Variants in SLC25A16 observed in about 807,000 individuals in gnomAD.
SLC25A16 encodes solute carrier family 25 member 16.
In SLC25A16, 39 loss-of-function variants were observed where a neutral mutation model predicts 41.5. That is an observed-to-expected ratio of 0.94 (90% CI 0.73 to 1.23). The LOEUF is 1.23. SLC25A16 is among the 50% of genes most tolerant of loss of function. The pLI is 0.00. For missense variants in SLC25A16, 421 were observed against 426.9 expected (o/e 0.99, Z 0.12); for synonymous variants, 146 against 147.8 (o/e 0.99, Z 0.09).
rs137873518 is a variant in SLC25A16 at position 68,493,964 on chromosome 10, G to A, written c.422-394C>T. Among the ~76,000 whole-genome samples the A allele has an allele frequency of 3.1e-3, 467 of 152,252 alleles. 3 individuals carry two copies. The highest frequency in any genetic ancestry group is 0.011 in the African/African-American group (440 of 41,536). ...TCCATGGATTGAAGCAACCATGGAC[G>A]GAAAATGTAGTGAGGTCTACAATGG... On this transcript the variant is annotated intron_variant, in intron 4 of 8. Transcript: ENST00000609923.
At chr10:68,505,138 A>G (rs2052930163) in intron 3 of SLC25A16, among the ~76,000 whole-genome samples, 1 of 152,156 alleles carries the variant, frequency 6.6e-6, no homozygotes, top group South Asian at 2.1e-4. Flanking sequence ...ATCTCTACAA[A>G]ATATTTTTTA....
chr10:68,491,551 T>C (rs952417338), intron 6 of SLC25A16, among the ~76,000 whole-genome samples: 1 of 151,776 alleles, frequency 6.6e-6, no homozygotes, highest in Non-Finnish European at 1.5e-5. Context: ...GTTTGTTTGA[T>C]TTTTAGAGAC....
chr10:68,508,906 A>C (rs2053006424), intron 2 of SLC25A16, among the ~76,000 whole-genome samples: 1 of 152,144 alleles, frequency 6.6e-6, no homozygotes, highest in African/African-American at 2.4e-5. Context: ...AACTACACTG[A>C]CAATGTTTAT....
chr10:68,499,685 G>T lies in SLC25A16; in HGVS notation c.421+3947C>A, dbSNP rs139254204. The T allele has an allele frequency of 5.9e-4, 213 of 358,032 alleles. 1 individual carries two copies. The highest frequency in any genetic ancestry group is 4.2e-3 in the African/African-American group (198 of 46,846). 22.2% of individuals were successfully genotyped at this position (358,032 alleles called of 1,614,324 possible). ...TGTGTGATCCATGCCCATCCGAAAG[G>T]TTTTGATGAAGGTCAGGTTGTATGA... On this transcript the variant is annotated intron_variant, in intron 4 of 8. Transcript: ENST00000609923.
In SLC25A16 at chr10:68,478,978, G is replaced by C. The variant is rs2052456356; in HGVS notation, c.*4454C>G. On this transcript the variant is annotated 3_prime_UTR_variant, in exon 9 of 9. Coordinates refer to ENST00000609923, the MANE Select transcript of SLC25A16 (RefSeq NM_152707.4). Reference sequence around the variant, plus strand: ...TCACCATGTTGGCCAGGATGGTCTTGATCTCCTGACCACGTGATCCGCCCA... The same window carrying C: ...TCACCATGTTGGCCAGGATGGTCTTCATCTCCTGACCACGTGATCCGCCCA... 6.6e-6 allele frequency: 1 copy of C among 152,002 alleles called. No individual in the cohort carries two copies. Among genetic ancestry groups the C allele is most frequent in the Non-Finnish European group, 1.5e-5 (1 of 68,040 alleles). The allele number at this position is 152,002 out of a possible 1,614,324, so 9.4% of individuals were successfully genotyped here.
At chr10:68,489,044 C>T (rs963644534) in intron 6 of SLC25A16, among the ~76,000 whole-genome samples, 26 of 152,140 alleles carry the variant, frequency 1.7e-4, no homozygotes, top group African/African-American at 6.0e-4. Flanking sequence ...CTGAGGTGGG[C>T]GGATTACCTG....
At chr10:68,516,360 C>T (rs1351580484) in intron 2 of SLC25A16, among the ~76,000 whole-genome samples, 1 of 151,176 alleles carries the variant, frequency 6.6e-6, no homozygotes, top group African/African-American at 2.4e-5. Flanking sequence ...CAGAGGAGCA[C>T]AAGGGAAGGA....
At position 68,488,507 on chromosome 10, in the gene SLC25A16, G is replaced by GT; in HGVS notation, c.732dup (p.Leu245ThrfsTer18). The GT allele has an allele frequency of 6.4e-7, 1 of 1,570,820 alleles. No individual in the cohort carries two copies. Among genetic ancestry groups the GT allele is most frequent in the Non-Finnish European group, 8.6e-7 (1 of 1,167,572 alleles). On this transcript the variant is annotated frameshift_variant, in exon 7 of 9. Coordinates refer to ENST00000609923, the MANE Select transcript of SLC25A16 (RefSeq NM_152707.4). LOFTEE classifies it high-confidence loss of function. ...ATTGCTCCAGCAACACCACCACAAA[G>GT]TAAGTTTACATGAGTTTTCAAAACT... is the stretch of plus-strand genomic sequence containing the variant.
intron 2 of SLC25A16, among the ~76,000 whole-genome samples, chr10:68,513,895 G>A (rs954235828): frequency 2.3e-5 from 2 of 87,978 alleles, no homozygotes; most frequent in Admixed American, 1.2e-4. Context: ...GAAAAAAAAA[G>A]CTAACGCAAA....
Position 68,503,704 on chromosome 10 carries a change from CAAG to C in SLC25A16, c.358-12_358-10del. 1 of 1,557,110 alleles carries C rather than the reference CAAG, an allele frequency of 6.4e-7. No individual in the cohort carries two copies. The highest frequency in any genetic ancestry group is 1.1e-5 in the South Asian group (1 of 88,134). The stretch of plus-strand genomic sequence containing the variant: ...AGCTTCGTAGTAATTAACTAGAAAA[CAAG>C]AACACTGAATTAAATGAGATATTTT... On this transcript the variant is annotated splice_polypyrimidine_tract_variant and intron_variant, in intron 3 of 8. Coordinates refer to ENST00000609923, the MANE Select transcript of SLC25A16 (RefSeq NM_152707.4).
chr10:68,511,367 A>G (rs1359758617), intron 2 of SLC25A16, among the ~76,000 whole-genome samples: 1 of 152,200 alleles, frequency 6.6e-6, no homozygotes, highest in Non-Finnish European at 1.5e-5. Flanking sequence ...GCACTCCAGG[A>G]ATTCTACTCC....
At chr10:68,496,389 A>G in intron 4 of SLC25A16, 1 of 718,082 alleles carries the variant, frequency 1.4e-6, no homozygotes, top group Non-Finnish European at 1.7e-6. Context: ...AAGAAGGCCA[A>G]AAAAGCCCTC....
chr10:68,484,655 T>C (rs7477943), intron 8 of SLC25A16, among the ~76,000 whole-genome samples: 15 of 151,958 alleles, frequency 9.9e-5, no homozygotes, highest in African/African-American at 3.6e-4. Flanking sequence ...TTACAATGTT[T>C]TCCAAGCTGA....
chr10:68,497,364 A>G (rs1291335922), intron 4 of SLC25A16, among the ~76,000 whole-genome samples: 1 of 152,236 alleles, frequency 6.6e-6, no homozygotes, highest in Non-Finnish European at 1.5e-5. Context: ...GTCCAGTTCT[A>G]TAATAGTTTG....
At chr10:68,494,901 GA>G (rs1449054902) in intron 4 of SLC25A16, among the ~76,000 whole-genome samples, 3 of 149,318 alleles carry the variant, frequency 2.0e-5, no homozygotes, top group African/African-American at 7.3e-5. Context: ...AAAGTAAAAA[GA>G]AAAGAAAACA....
At position 68,480,928 on chromosome 10, in the gene SLC25A16, C is replaced by A. The variant is rs1239923334; in HGVS notation, c.*2504G>T. On this transcript the variant is annotated 3_prime_UTR_variant, in exon 9 of 9. Transcript: ENST00000609923. ...TTCTTTTTTTTTTCTTTTATACAGT[C>A]TCTGTATAAAAGAAATTTTTGTACA... 1.1e-5 allele frequency: 1 copy of A among 94,032 alleles called. No homozygotes were observed. Among genetic ancestry groups the A allele is most frequent in the Non-Finnish European group, 2.0e-5 (1 of 50,614 alleles). 5.8% of individuals were successfully genotyped at this position (94,032 alleles called of 1,614,324 possible).
chr10:68,486,527 C>G (rs1225541708), intron 8 of SLC25A16, among the ~76,000 whole-genome samples: 2 of 151,862 alleles, frequency 1.3e-5, no homozygotes, highest in Non-Finnish European at 2.9e-5. Context: ...GCGCCCGACA[C>G]CACATCTGGC....
At chr10:68,516,348 G>C (rs2133586191) in intron 2 of SLC25A16, among the ~76,000 whole-genome samples, 1 of 152,220 alleles carries the variant, frequency 6.6e-6, no homozygotes, top group Middle Eastern at 3.4e-3. Context: ...AAGAGGCAAA[G>C]GCAGAGGAGC....
chr10:68,493,267 TCA>T, intron 5 of SLC25A16, 69 bp from the exon 6 acceptor site: 8 of 1,245,896 alleles, frequency 6.4e-6, no homozygotes, highest in Non-Finnish European at 9.2e-6. Flanking sequence ...AAAGAAAAAA[TCA>T]CACTTTATAA....
Sources: allele counts gnomAD v4.1 joint callset (sites outside exome capture counted in the v4.1 genomes callset), GRCh38; gene constraint gnomAD v4.1.1; transcripts MANE v1.5; gene names NCBI Gene and HGNC (gene_info 2026-07-23, HGNC 2026-07-21).